DENND5B: variants seen among roughly 807,000 people sequenced by gnomAD.
DENND5B encodes DENN domain-containing protein 5B.
In DENND5B, 34 loss-of-function variants were observed where a neutral mutation model predicts 140.6. That is an observed-to-expected ratio of 0.24 (90% CI 0.18 to 0.32). DENND5B has a LOEUF of 0.32. DENND5B is among the 10% of genes least tolerant of loss of function. The pLI, the probability that DENND5B is intolerant of heterozygous loss-of-function variation, is 1.00. For missense variants in DENND5B, 1,142 were observed against 1,560.2 expected, an observed-to-expected ratio of 0.73 and a Z score of 4.52; for synonymous variants, 551 against 562.1, an observed-to-expected ratio of 0.98 and a Z score of 0.28.
chr12:31,442,408 G>A (rs1179596685), intron 7 of DENND5B, among the ~76,000 whole-genome samples: 4 of 152,096 alleles, frequency 2.6e-5, no homozygotes, highest in African/African-American at 9.7e-5. Flanking sequence ...CTGAGTTTGT[G>A]GTTCTTTGTT....
At chr12:31,392,142 A>G in intron 19 of DENND5B, 125 bp downstream of exon 19, 1 of 1,038,226 alleles carries the variant, frequency 9.6e-7, no homozygotes, top group Non-Finnish European at 1.3e-6. Flanking sequence ...CCGTCTCAAA[A>G]AAAAAAAAAG....
intron 1 of DENND5B, among the ~76,000 whole-genome samples, chr12:31,578,650 A>G (rs1226503246): frequency 1.3e-5 from 2 of 152,228 alleles, no homozygotes; most frequent in Non-Finnish European, 2.9e-5. Flanking sequence ...TTTAAAATAT[A>G]TATCATAACC....
intron 1 of DENND5B, among the ~76,000 whole-genome samples, chr12:31,557,148 A>G (rs917799801): frequency 2.6e-5 from 4 of 152,242 alleles, no homozygotes; most frequent in African/African-American, 9.6e-5. Context: ...ATTTTACTAC[A>G]TATGATTAGT....
intron 19 of DENND5B, among the ~76,000 whole-genome samples, chr12:31,391,463 C>T (rs1941139537): frequency 6.6e-6 from 1 of 152,172 alleles, no homozygotes; most frequent in African/African-American, 2.4e-5. Context: ...ATATGAATTA[C>T]ATATTTGTTA....
Position 31,480,324 on chromosome 12 carries a change from G to C in DENND5B, c.238-69C>G. On this transcript the variant is annotated intron_variant, in intron 2 of 20. Coordinates refer to ENST00000389082, the MANE Select transcript of DENND5B (RefSeq NM_144973.4). ...TAACTTCAAGCCAGAAATAAATGTTGTTTTTTTAACATAACAGGATTCAAA... is the reference window on the plus strand; with the variant it reads ...TAACTTCAAGCCAGAAATAAATGTTCTTTTTTTAACATAACAGGATTCAAA... 6.6e-6 allele frequency: 9 copies of C among 1,359,526 alleles called. 1 individual carries two copies. In the South Asian group the frequency reaches 1.6e-4, roughly 23 times the overall value. 84.2% of individuals were successfully genotyped at this position (1,359,526 alleles called of 1,614,324 possible).
At chr12:31,432,542 A>G (rs1943554278) in intron 8 of DENND5B, 1 of 152,226 alleles carries the variant, frequency 6.6e-6, no homozygotes, top group Non-Finnish European at 1.5e-5. Context: ...AGGCAGGAGC[A>G]CTGCTTGAGC....
At chr12:31,520,597 G>A (rs1242329497) in intron 1 of DENND5B, among the ~76,000 whole-genome samples, 2 of 152,104 alleles carry the variant, frequency 1.3e-5, no homozygotes, top group Non-Finnish European at 2.9e-5. Flanking sequence ...CTGGAGTACA[G>A]TGGTGTGATC....
At position 31,399,637 on chromosome 12, in the gene DENND5B, C is replaced by T; in HGVS notation, c.3068+17G>A. The T allele has an allele frequency of 1.3e-6, 2 of 1,598,316 alleles. No individual in the cohort carries two copies. The highest frequency in any genetic ancestry group is 2.7e-5 in the African/African-American group (2 of 74,678). On this transcript the variant is annotated intron_variant, in intron 16 of 20. Transcript: ENST00000389082. ...CTTAAAACAAAGAATTCTGAGTTCC[C>T]AAGGCCATTTACTTACCTGTATGTA...
intron 8 of DENND5B, among the ~76,000 whole-genome samples, chr12:31,430,395 TG>T (rs1943455149): frequency 6.8e-6 from 1 of 148,070 alleles, no homozygotes; most frequent in Non-Finnish European, 1.5e-5. Flanking sequence ...TGCTCACACC[TG>T]TAATCCCAGC....
chr12:31,439,929 C>CAAAAAAAAAAAAAAAA (rs67272470), intron 7 of DENND5B, among the ~76,000 whole-genome samples: 5 of 52,300 alleles, frequency 9.6e-5, no homozygotes, highest in Non-Finnish European at 1.2e-4. Context: ...GACTCCGTCT[C>CAAAAAAAAAAAAAAAA]AAAAAAAAAA....
chr12:31,577,439 G>C (rs886875935), intron 1 of DENND5B, among the ~76,000 whole-genome samples: 3 of 152,046 alleles, frequency 2.0e-5, no homozygotes, highest in Non-Finnish European at 4.4e-5. Flanking sequence ...GGCCGGGCAC[G>C]GTGGCTCACG....
At chr12:31,434,356 T>C (rs1943646018) in intron 7 of DENND5B, among the ~76,000 whole-genome samples, 1 of 152,176 alleles carries the variant, frequency 6.6e-6, no homozygotes, top group Admixed American at 6.5e-5. Context: ...GCTAGTTCTA[T>C]AATAATCTTC....
chr12:31,555,592 G>C (rs1202196720), intron 1 of DENND5B, among the ~76,000 whole-genome samples: 1 of 152,218 alleles, frequency 6.6e-6, no homozygotes, highest in African/African-American at 2.4e-5. Context: ...GTCAGAGAGG[G>C]ACATTTAAGT....
chr12:31,420,464 G>A (rs1276340948), intron 11 of DENND5B, among the ~76,000 whole-genome samples: 1 of 139,156 alleles, frequency 7.2e-6, no homozygotes, highest in Non-Finnish European at 1.5e-5. Context: ...TTTTTTTTGA[G>A]ACAGCATCTT....
chr12:31,427,544 T>C (rs1015221801), intron 8 of DENND5B, among the ~76,000 whole-genome samples: 1 of 150,788 alleles, frequency 6.6e-6, no homozygotes, highest in Admixed American at 6.6e-5. Flanking sequence ...AGGCGGAGAT[T>C]GCAGTGAGTG....
At chr12:31,478,638 T>C (rs1187662330) in intron 3 of DENND5B, among the ~76,000 whole-genome samples, 3 of 152,080 alleles carry the variant, frequency 2.0e-5, no homozygotes, top group South Asian at 2.1e-4. Flanking sequence ...GATGTCAAGG[T>C]TGCAGTGACC....
intron 1 of DENND5B, among the ~76,000 whole-genome samples, chr12:31,573,599 G>A (rs145894157): frequency 3.3e-5 from 5 of 152,122 alleles, no homozygotes; most frequent in Non-Finnish European, 7.3e-5. Context: ...ATGTAATTTC[G>A]TTCAATATTC....
At chr12:31,522,879 TTC>T (rs1220953971) in intron 1 of DENND5B, among the ~76,000 whole-genome samples, 6 of 152,242 alleles carry the variant, frequency 3.9e-5, no homozygotes, top group African/African-American at 1.4e-4. Flanking sequence ...AGGCTTTGAC[TTC>T]CAGTTTTATT....
chr12:31,419,318 G>C (rs1012303539), intron 11 of DENND5B, among the ~76,000 whole-genome samples: 2 of 152,082 alleles, frequency 1.3e-5, no homozygotes, highest in Admixed American at 6.6e-5. Flanking sequence ...ATGTGGTGGC[G>C]CATGCCTGTA....
Sources: gnomAD v4.1 joint callset for allele counts (sites outside exome capture counted in the v4.1 genomes callset) on GRCh38, gnomAD v4.1.1 for gene constraint, MANE v1.5 for transcripts, NCBI Gene and HGNC (gene_info 2026-07-23, HGNC 2026-07-21) for gene names.